Variants in PLXND1 observed in about 807,000 individuals in gnomAD.
PLXND1 encodes the protein plexin-D1.
Under a neutral mutation model 197.7 loss-of-function variants are expected in PLXND1, and 54 were observed. The ratio of observed to expected loss-of-function variants is 0.27; its 90% confidence interval spans 0.22 to 0.34. The LOEUF (loss-of-function observed/expected upper bound fraction) is 0.34, where lower values mean the gene tolerates loss of function less well. Among genes scored for constraint, PLXND1 ranks in the 10% least tolerant of loss-of-function variants. The probability of loss-of-function intolerance (pLI) is 1.00; values close to 1 mark genes in which losing one functional copy is unlikely to be tolerated. For synonymous variants in PLXND1, 1,180 were observed against 1,161.2 expected, an observed-to-expected ratio of 1.02 and a Z score of -0.33; for missense variants, 2,127 against 2,699.2, an observed-to-expected ratio of 0.79 and a Z score of 4.70.
rs371399426 is a variant in PLXND1 at position 129,598,655 on chromosome 3, G to A, written c.1311+6674C>T. Among the ~76,000 whole-genome samples the A allele has an allele frequency of 9.9e-5, 15 of 152,262 alleles. No individual in the cohort carries two copies. The East Asian group carries it at 2.3e-3, about 24-fold the overall frequency. ...CACTGCTTCTCACAGGGGCCTCGGC[G>A]GACGCAGAAGTTCCCTGGGTCTCAG... On this transcript the variant is annotated intron_variant, in intron 1 of 35. Transcript: ENST00000324093.
intron 25 of PLXND1, among the ~76,000 whole-genome samples, chr3:129,564,134 C>T (rs2625970): frequency 0.33 from 50,375 of 152,068 alleles, 8,884 homozygotes; most frequent in African/African-American, 0.44. Flanking sequence ...CCGCAGAAGG[C>T]GGAGGCACCC....
Position 129,573,653 on chromosome 3 carries a change from G to T in PLXND1, c.2778C>A (p.Gly926=). The change falls in exon 13 of 36, where the codon GGC becomes GGA. Residue 926 remains glycine (G), a synonymous_variant. Coordinates refer to ENST00000324093, the MANE Select transcript of PLXND1 (RefSeq NM_015103.3). ...CACAGGCCACACCACCAATCCACAC[G>T]CCGTGGGCCACGTCACTGAGCCGCC... is the stretch of plus-strand genomic sequence containing the variant. ...LGRRLSDVAH[G]VWIGGVACEP... The T allele has an allele frequency of 6.2e-7, 1 of 1,613,588 alleles. No individual in the cohort carries two copies. Among genetic ancestry groups the T allele is most frequent in the South Asian group, 1.1e-5 (1 of 91,076 alleles).
At position 129,605,538 on chromosome 3, in the gene PLXND1, G is replaced by C; in HGVS notation, c.1102C>G (p.Leu368Val). 1 of 1,526,610 alleles carries C rather than the reference G, an allele frequency of 6.6e-7. No homozygotes were observed. The highest frequency in any genetic ancestry group is 8.8e-7 in the Non-Finnish European group (1 of 1,142,160). 94.6% of individuals were successfully genotyped at this position (1,526,610 alleles called of 1,614,324 possible). The change falls in exon 1 of 36, where the codon CTC (leucine) becomes GTC (valine). Residue 368 changes from leucine (L) to valine (V), a missense_variant. Coordinates refer to ENST00000324093, the MANE Select transcript of PLXND1 (RefSeq NM_015103.3). ...TGGGGCCGCTCGAAGACAGCAAAGA[G>C]CCGCTCCCGGGCTGGGAAGACCGAC... ...LVSVFPARERLFAVFERPQGS... is the reference protein window; with the variant it reads ...LVSVFPARERVFAVFERPQGS...
At chr3:129,598,945 T>C (rs1267891049) in intron 1 of PLXND1, among the ~76,000 whole-genome samples, 1 of 152,200 alleles carries the variant, frequency 6.6e-6, no homozygotes, top group Non-Finnish European at 1.5e-5. Context: ...TAAAGTGCTC[T>C]GCAAAGGGCT....
rs995073932 is a variant in PLXND1 at position 129,582,056 on chromosome 3, G to A, written c.2241+1511C>T. Among the ~76,000 whole-genome samples, 8 of 152,352 alleles carry A rather than the reference G, an allele frequency of 5.3e-5. 1 individual carries two copies. The highest frequency in any genetic ancestry group is 2.1e-4 in the South Asian group (1 of 4,830). ...GGTCCAGGAGCAGCTCAGGGCTCCC[G>A]TATGGTTTCACTGCACCGACTCCAC... is the stretch of plus-strand genomic sequence containing the variant. On this transcript the variant is annotated intron_variant, in intron 8 of 35. Coordinates refer to ENST00000324093, the MANE Select transcript of PLXND1 (RefSeq NM_015103.3).
Position 129,561,879 on chromosome 3 carries a change from CTCTGTGTG to C in PLXND1, c.4842_4849del (p.Ser1614ArgfsTer21). 1 of 1,613,934 alleles carries C rather than the reference CTCTGTGTG, an allele frequency of 6.2e-7. No homozygotes were observed. The highest frequency in any genetic ancestry group is 8.5e-7 in the Non-Finnish European group (1 of 1,179,886). The stretch of plus-strand genomic sequence containing the variant: ...GTCGTCCAGGTCCCGAAGGATGTAG[CTCTGTGTG>C]CTGGAGGCGAACCACTCTGGGGGAC... On this transcript the variant is annotated frameshift_variant, in exon 28 of 36. Transcript: ENST00000324093. LOFTEE classifies it high-confidence loss of function.
At position 129,606,186 on chromosome 3, in the gene PLXND1, G is replaced by T. The variant is rs1276318098; in HGVS notation, c.454C>A (p.Arg152Ser). 6.4e-7 allele frequency: 1 copy of T among 1,554,134 alleles called. No individual in the cohort carries two copies. ...GCCACGGCCGAGATGTTGCCCCGGC[G>T]CCGCAGCTGGCAGAAGCCCTGGTAG... ...SIYQGFCQLR[R>S]RGNISAVAVR... The change falls in exon 1 of 36, where the codon CGC (arginine) becomes AGC (serine). Residue 152 changes from arginine to serine, a missense_variant. Around this residue, in one of 6 missense-constraint regions of PLXND1, gnomAD observed 245 missense variants for 267.1 expected, o/e 0.92. Coordinates refer to ENST00000324093, the MANE Select transcript of PLXND1 (RefSeq NM_015103.3).
chr3:129,606,262 C>T lies in PLXND1; in HGVS notation c.378G>A (p.Lys126=), dbSNP rs1346506750. 1.3e-6 allele frequency: 2 copies of T among 1,564,904 alleles called. No homozygotes were observed. The highest frequency in any genetic ancestry group is 1.2e-5 in the South Asian group (1 of 85,252). ...HPRRLTDNYN[K]ILQLDPGQGL... ...CCTGGCCGGGGTCCAGCTGCAGGAT[C>T]TTGTTGTAGTTGTCCGTGAGGCGCC... Residue 126 remains lysine, a synonymous_variant, in exon 1 of 36, where the codon AAG becomes AAA. Coordinates refer to ENST00000324093, the MANE Select transcript of PLXND1 (RefSeq NM_015103.3).
chr3:129,555,300 C>T lies in PLXND1; in HGVS notation c.*1012G>A. The T allele has an allele frequency of 1.8e-6, 1 of 545,566 alleles. No individual in the cohort carries two copies. The allele number at this position is 545,566 out of a possible 1,614,324, so 33.8% of individuals were successfully genotyped here. A position where few individuals can be genotyped will look rare whatever the true frequency, so the allele number is the denominator to read the frequency against. On this transcript the variant is annotated 3_prime_UTR_variant, in exon 36 of 36. Transcript: ENST00000324093. The stretch of plus-strand genomic sequence containing the variant: ...AGCCCCCATGGGCTCTGAGCCAGTC[C>T]CAACACTGGCTGAGTTGGCTGCGAG...
At chr3:129,586,912 C>G (rs553672526) in intron 2 of PLXND1, among the ~76,000 whole-genome samples, 193 bp from the exon 3 acceptor site, 102 of 152,334 alleles carry the variant, frequency 6.7e-4, no homozygotes, top group African/African-American at 2.4e-3. Context: ...TGCTGTGCCC[C>G]CACCAGGAGC....
chr3:129,576,992 T>C lies in PLXND1; in HGVS notation c.2347-1137A>G, dbSNP rs941201555. On this transcript the variant is annotated intron_variant, in intron 9 of 35. Coordinates refer to ENST00000324093, the MANE Select transcript of PLXND1 (RefSeq NM_015103.3). ...AGCTTCCTGTTTATGTCCCTGTGGC[T>C]GGCAGATGTGACACCCTGAGGAGAA... Among the ~76,000 whole-genome samples the C allele has an allele frequency of 1.4e-4, 21 of 152,284 alleles. No homozygotes were observed. The East Asian group carries it at 2.9e-3, about 21-fold the overall frequency.
intron 29 of PLXND1, 64 bp downstream of exon 29, chr3:129,561,582 G>T: frequency 8.1e-7 from 1 of 1,232,238 alleles, no homozygotes; most frequent in Non-Finnish European, 1.2e-6. Flanking sequence ...CCCCACTGGG[G>T]CATGGGATGG....
At chr3:129,560,199 AG>A in intron 31 of PLXND1, 130 bp downstream of exon 31, 1 of 638,904 alleles carries the variant, frequency 1.6e-6, no homozygotes, top group Admixed American at 2.7e-5. Context: ...CCAGCCCCAC[AG>A]GGGAAACAGG....
chr3:129,561,161 GC>G (rs2085053710), intron 29 of PLXND1: 2 of 465,788 alleles, frequency 4.3e-6, no homozygotes, highest in Non-Finnish European at 8.5e-6. Flanking sequence ...CCACCCCTGA[GC>G]CCAGAGCTCC....
rs1018560887 is a variant in PLXND1 at position 129,557,574 on chromosome 3, C to T, written c.5446-351G>A. ...ATGTGTCCTTCTCAGGGTGATAGGT[C>T]TTGGTGGCTAGGATTCCTGGAAGCC... On this transcript the variant is annotated intron_variant, in intron 33 of 35. Coordinates refer to ENST00000324093, the MANE Select transcript of PLXND1 (RefSeq NM_015103.3). The surrounding 1 kb of genome is among the most constrained non-coding windows in gnomAD (Gnocchi z 4.8). Among the ~76,000 whole-genome samples, 1 of 152,148 alleles carries T rather than the reference C, an allele frequency of 6.6e-6. No individual in the cohort carries two copies. Among genetic ancestry groups the T allele is most frequent in the African/African-American group, 2.4e-5 (1 of 41,416 alleles).
intron 1 of PLXND1, among the ~76,000 whole-genome samples, chr3:129,603,539 G>A (rs1027564702): frequency 6.6e-6 from 1 of 152,120 alleles, no homozygotes; most frequent in Non-Finnish European, 1.5e-5. Flanking sequence ...AGTTGCCTGC[G>A]AGATGAAGCT....
At chr3:129,573,120 T>C in intron 13 of PLXND1, 179 bp from the exon 14 acceptor site, 1 of 598,910 alleles carries the variant, frequency 1.7e-6, no homozygotes, top group South Asian at 2.0e-5. Context: ...GACAAAAGGG[T>C]CTCTGATCAT....
rs891278669 is a variant in PLXND1, at chr3:129,572,615, T to G, written c.3071A>C (p.Glu1024Ala). 1.3e-6 allele frequency: 2 copies of G among 1,535,580 alleles called. No homozygotes were observed. Among genetic ancestry groups the G allele is most frequent in the African/African-American group, 2.8e-5 (2 of 72,460 alleles). ...GCCAGGCCCAGAGGCTTACATCAGC[T>G]CCGTGCAGGGGTCTGTGTCGTTCAC... ...VLVNDTDPCT[E>A]LMRTDTSIAC... is the part of the protein sequence containing the mutation. The change falls in exon 15 of 36, where the codon GAG becomes GCG. Residue 1024 changes from glutamate (E) to alanine (A), a missense_variant. This residue lies in a region of PLXND1 where 1,095 missense variants were observed against 1,259.8 expected (regional missense o/e 0.87). Coordinates refer to ENST00000324093, the MANE Select transcript of PLXND1 (RefSeq NM_015103.3).
At chr3:129,580,267 G>C (rs1420108103) in intron 8 of PLXND1, among the ~76,000 whole-genome samples, 1 of 152,100 alleles carries the variant, frequency 6.6e-6, no homozygotes, top group Non-Finnish European at 1.5e-5. Context: ...AGCCAGGCCC[G>C]GGTGCTGCTG....
Sources: allele counts gnomAD v4.1 joint callset (sites outside exome capture counted in the v4.1 genomes callset), GRCh38; gene constraint gnomAD v4.1.1; regional missense constraint gnomAD v4.1.1; non-coding constraint Gnocchi (gnomAD v3.1); transcripts MANE v1.5; gene names NCBI Gene and HGNC (gene_info 2026-07-23, HGNC 2026-07-21).